Variants in DMD observed in about 807,000 individuals in gnomAD.
DMD encodes the protein dystrophin, also known as mutant dystrophin.
DMD carries 63 observed loss-of-function variants against 330.1 expected under a neutral mutation model. The ratio of observed to expected loss-of-function variants is 0.19; its 90% confidence interval spans 0.16 to 0.24. The LOEUF is 0.24. Among genes scored for constraint, DMD ranks in the 10% least tolerant of loss-of-function variants. The pLI, the probability that DMD is intolerant of heterozygous loss-of-function variation, is 1.00. For missense variants in DMD, 3,344 were observed against 2,684.1 expected (o/e 1.25, Z -5.43); for synonymous variants, 1,223 against 959.8 (o/e 1.27, Z -5.07).
chrX:31,804,343 C>T (rs1042420070), intron 50 of DMD, among the ~76,000 whole-genome samples: 5 of 111,734 alleles, frequency 4.5e-5, no homozygotes, highest in South Asian at 3.8e-4. Context: ...GTTGTTTCCA[C>T]GTGCCAAGTA....
intron 44 of DMD, among the ~76,000 whole-genome samples, chrX:32,074,003 A>G (rs1429018423): frequency 9.0e-6 from 1 of 111,682 alleles, no homozygotes; most frequent in East Asian, 2.8e-4. Flanking sequence ...ATAAATTCCT[A>G]TGTAGTAGGT....
intron 50 of DMD, among the ~76,000 whole-genome samples, chrX:31,816,230 T>C (rs1305958251): frequency 3.6e-5 from 4 of 111,477 alleles, no homozygotes; most frequent in Non-Finnish European, 5.6e-5. Context: ...GCTTTTTTTT[T>C]CCAGTATGTT....
chrX:31,793,031 G>A (rs1272920556), intron 50 of DMD, among the ~76,000 whole-genome samples: 1 of 108,233 alleles, frequency 9.2e-6, no homozygotes, highest in Non-Finnish European at 1.9e-5. Flanking sequence ...GTGGGAAGGG[G>A]AGCTGAAAAG....
chrX:31,890,961 A>G (rs754313544), intron 47 of DMD, among the ~76,000 whole-genome samples: 62 of 112,192 alleles, frequency 5.5e-4, no homozygotes, highest in Non-Finnish European at 9.4e-4. Flanking sequence ...TTCTATGTGT[A>G]ATATTCATAT....
At chrX:31,410,349 G>A (rs775150828) in intron 60 of DMD, among the ~76,000 whole-genome samples, 1 of 111,668 alleles carries the variant, frequency 9.0e-6, no homozygotes, top group Non-Finnish European at 1.9e-5. Flanking sequence ...TTGCTGCATC[G>A]TGCTTCTAGT....
At chrX:32,161,647 A>T (rs1483324513) in intron 44 of DMD, among the ~76,000 whole-genome samples, 1 of 112,056 alleles carries the variant, frequency 8.9e-6, no homozygotes, top group Non-Finnish European at 1.9e-5. Context: ...AAATTTATTT[A>T]CATCACAGTA....
chrX:32,720,253 G>A (rs2066150615), intron 7 of DMD, among the ~76,000 whole-genome samples: 1 of 110,772 alleles, frequency 9.0e-6, no homozygotes, highest in Non-Finnish European at 1.9e-5. Context: ...TGAACTCCTA[G>A]AAGACAATGC....
intron 30 of DMD, among the ~76,000 whole-genome samples, chrX:32,401,574 G>T (rs904987948): frequency 5.4e-5 from 6 of 111,672 alleles, no homozygotes; most frequent in Non-Finnish European, 1.1e-4. Context: ...GGGAAGGGTA[G>T]TCAGGGGTTG....
chrX:32,295,039 T>C (rs1194534467), intron 42 of DMD, among the ~76,000 whole-genome samples: 1 of 111,735 alleles, frequency 8.9e-6, no homozygotes, highest in East Asian at 2.8e-4. Context: ...GAAAATATGA[T>C]GTCAAAATGA....
At chrX:31,277,122 G>GAATGGCT (rs1224424250) in intron 62 of DMD, among the ~76,000 whole-genome samples, 2 of 110,581 alleles carry the variant, frequency 1.8e-5, no homozygotes, top group Non-Finnish European at 3.8e-5. Flanking sequence ...ATACACTGTG[G>GAATGGCT]AATGGCTAAA....
chrX:31,324,704 A>G (rs759605435), intron 61 of DMD, among the ~76,000 whole-genome samples: 1 of 112,174 alleles, frequency 8.9e-6, no homozygotes, highest in Non-Finnish European at 1.9e-5. Context: ...AATAATTTGA[A>G]GCACAGCTGA....
upstream of DMD, among the ~76,000 whole-genome samples, chrX:33,212,657 T>C (rs1021908465): frequency 5.4e-5 from 6 of 111,722 alleles, no homozygotes; most frequent in African/African-American, 1.9e-4. Flanking sequence ...ACTGTGATGT[T>C]TACCTTAATA....
At chrX:32,667,509 A>T (rs771459914) in intron 9 of DMD, among the ~76,000 whole-genome samples, 5 of 111,820 alleles carry the variant, frequency 4.5e-5, no homozygotes, top group Non-Finnish European at 9.4e-5. Flanking sequence ...ATTATATTTA[A>T]CCATCATATT....
At chrX:32,641,483 T>A in intron 11 of DMD, 1 of 137,243 alleles carries the variant, frequency 7.3e-6, no homozygotes, top group Non-Finnish European at 1.6e-5. Flanking sequence ...TGCTATTAGG[T>A]TGGTACAAAA....
At chrX:33,145,642 AAT>A (rs372303754) in intron 1 of DMD, among the ~76,000 whole-genome samples, 99 of 103,595 alleles carry the variant, frequency 9.6e-4, no homozygotes, top group African/African-American at 3.2e-3. Context: ...TATAATACTA[AAT>A]ATATATATAT....
chrX:32,453,422 G>T (rs1328260072), intron 26 of DMD, among the ~76,000 whole-genome samples: 1 of 110,612 alleles, frequency 9.0e-6, no homozygotes, highest in Non-Finnish European at 1.9e-5. Context: ...TATTTATGGA[G>T]TATATTAGAT....
chrX:31,943,031 T>A (rs1208869644), intron 45 of DMD, among the ~76,000 whole-genome samples: 2 of 112,342 alleles, frequency 1.8e-5, no homozygotes, highest in Admixed American at 1.9e-4. Flanking sequence ...ATGAACCAAG[T>A]TGTGCTCACC....
chrX:32,368,605 T>C (rs2097862356), intron 34 of DMD, among the ~76,000 whole-genome samples: 1 of 112,061 alleles, frequency 8.9e-6, no homozygotes, highest in African/African-American at 3.2e-5. Context: ...CATCTTCAGA[T>C]GTATGGAGAA....
In DMD at chrX:31,729,484, T is replaced by G. The variant is rs1336308226; in HGVS notation, c.7660+147A>C. On this transcript the variant is annotated intron_variant, in intron 52 of 78. Coordinates refer to ENST00000357033, the MANE Select transcript of DMD (RefSeq NM_004006.3). ...ATTCATTTATTAAAAGGTAACATTA[T>G]GGACTGAAAATCTCAGCACAATTGT... 7 of 550,125 alleles carry G rather than the reference T, an allele frequency of 1.3e-5. No individual in the cohort carries two copies. The East Asian group carries it at 2.3e-4, about 18-fold the overall frequency. The allele number at this position is 550,125 out of a possible 1,213,427, so 45.3% of individuals were successfully genotyped here.
Sources: gnomAD v4.1 joint callset for allele counts (sites outside exome capture counted in the v4.1 genomes callset) on GRCh38, gnomAD v4.1.1 for gene constraint, MANE v1.5 for transcripts, NCBI Gene and HGNC (gene_info 2026-07-23, HGNC 2026-07-21) for gene names.